PKHD1: variants seen among roughly 807,000 people sequenced by gnomAD.
PKHD1 encodes PKHD1 ciliary IPT domain containing fibrocystin/polyductin, also known as fibrocystin.
PKHD1 carries 291 observed loss-of-function variants against 412.0 expected under a neutral mutation model. The ratio of observed to expected loss-of-function variants is 0.71; its 90% CI spans 0.64 to 0.78. PKHD1 has a LOEUF of 0.78. PKHD1 is among the 30% of genes least tolerant of loss of function. The probability of loss-of-function intolerance (pLI) is 0.00; values close to 1 mark genes in which losing one functional copy is unlikely to be tolerated. For missense variants in PKHD1, 4,825 were observed against 4,950.7 expected, an observed-to-expected ratio of 0.97 and a Z score of 0.76; for synonymous variants, 1,777 against 1,821.5, an observed-to-expected ratio of 0.98 and a Z score of 0.62.
intron 35 of PKHD1, among the ~76,000 whole-genome samples, chr6:51,964,203 C>A (rs181922149): frequency 6.6e-6 from 1 of 152,220 alleles, no homozygotes; most frequent in East Asian, 1.9e-4. Flanking sequence ...ACTTGCAACA[C>A]CACCAGAGTT....
Position 52,022,922 on chromosome 6 carries a change from C to T in PKHD1, c.5259G>A (p.Val1753=), listed in dbSNP as rs200864129. 1.9e-6 allele frequency: 3 copies of T among 1,614,054 alleles called. No homozygotes were observed. Among genetic ancestry groups the T allele is most frequent in the Non-Finnish European group, 2.5e-6 (3 of 1,180,034 alleles). ...ENFGCLGGRL[V]HVFGAGFSPG... The stretch of plus-strand genomic sequence containing the variant: ...GAGAAAATCCCGCTCCAAACACATG[C>T]ACCAGCCTTCCACCCAGGCAGCCTT... Residue 1753 remains valine (V), a synonymous_variant, in exon 33 of 67, where the codon GTG becomes GTA. Coordinates refer to ENST00000371117, the MANE Select transcript of PKHD1 (RefSeq NM_138694.4).
rs551294280 is a variant in PKHD1, at chr6:51,656,886, G to A, written c.11174+2066C>T. On this transcript the variant is annotated intron_variant, in intron 61 of 66. Transcript: ENST00000371117. ...GCCTAGGCTGGTCTCAAACTCCTGC[G>A]CTCAAGCTATCCACCTACCTCCACC... 4.0e-5 allele frequency among the ~76,000 whole-genome samples: 6 copies of A among 151,704 alleles called. No homozygotes were observed. In the East Asian group the frequency reaches 9.8e-4, roughly 25 times the overall value.
At chr6:51,977,081 C>CT (rs1274075936) in intron 35 of PKHD1, among the ~76,000 whole-genome samples, 1 of 152,028 alleles carries the variant, frequency 6.6e-6, no homozygotes, top group African/African-American at 2.4e-5. Context: ...CAGTGCTTCT[C>CT]TGTAAAGCCT....
intron 58 of PKHD1, 121 bp downstream of exon 58, chr6:51,747,666 G>T: frequency 2.4e-6 from 2 of 822,032 alleles, no homozygotes; most frequent in Non-Finnish European, 4.1e-6. Flanking sequence ...TACTCAGCAG[G>T]TTGGACAGCA....
At chr6:51,813,678 C>T (rs530512087) in intron 52 of PKHD1, among the ~76,000 whole-genome samples, 26 of 152,054 alleles carry the variant, frequency 1.7e-4, no homozygotes, top group Admixed American at 6.5e-4. Flanking sequence ...TCCTTATTAA[C>T]GCAATATGAT....
chr6:51,921,529 CT>C (rs1369446862), intron 37 of PKHD1, among the ~76,000 whole-genome samples: 3 of 152,202 alleles, frequency 2.0e-5, no homozygotes, highest in African/African-American at 7.2e-5. Context: ...TGTTTTCCAA[CT>C]TGGTTCCCTT....
Position 51,744,462 on chromosome 6 carries a change from C to T in PKHD1, c.10079G>A (p.Arg3360Lys). The T allele has an allele frequency of 5.6e-6, 9 of 1,613,080 alleles. No individual in the cohort carries two copies. Among genetic ancestry groups the T allele is most frequent in the Non-Finnish European group, 6.8e-6 (8 of 1,179,086 alleles). Residue 3360 changes from arginine to lysine, a missense_variant, in exon 60 of 67, where the codon AGA becomes AAA. Transcript: ENST00000371117. ...AACTGGTGGAGGCAGACCCAGGGCT[C>T]TCCCATCCAGATCCTTGAAGAGATA... ...RKYLFKDLDGRALGLPPPVSV... is the reference protein window; with the variant it reads ...RKYLFKDLDGKALGLPPPVSV...
At chr6:51,992,025 T>C (rs1797099074) in intron 35 of PKHD1, among the ~76,000 whole-genome samples, 1 of 152,218 alleles carries the variant, frequency 6.6e-6, no homozygotes, top group African/African-American at 2.4e-5. Context: ...TATGTCTCAA[T>C]TTGAGTCCCT....
At chr6:51,688,556 T>G (rs1777749162) in intron 60 of PKHD1, among the ~76,000 whole-genome samples, 1 of 151,942 alleles carries the variant, frequency 6.6e-6, no homozygotes, top group Admixed American at 6.6e-5. Context: ...GCTATTCTTT[T>G]TTTAATAAAA....
chr6:51,981,436 A>G (rs1292904399), intron 35 of PKHD1, among the ~76,000 whole-genome samples: 2 of 150,676 alleles, frequency 1.3e-5, no homozygotes, highest in Non-Finnish European at 3.0e-5. Context: ...GGCTCACTGC[A>G]GCCTCCCTGC....
chr6:51,918,698 G>A (rs1784215896), intron 37 of PKHD1, among the ~76,000 whole-genome samples: 1 of 152,128 alleles, frequency 6.6e-6, no homozygotes, highest in African/African-American at 2.4e-5. Flanking sequence ...ATAATCCTTT[G>A]GGTATATACC....
chr6:51,697,044 C>G (rs548855363), intron 60 of PKHD1, among the ~76,000 whole-genome samples: 1 of 152,076 alleles, frequency 6.6e-6, no homozygotes, highest in South Asian at 2.1e-4. Context: ...GAAAAATTAC[C>G]CAGGCATGGT....
intron 52 of PKHD1, among the ~76,000 whole-genome samples, chr6:51,816,303 A>G (rs1211584870): frequency 1.8e-5 from 2 of 114,024 alleles, no homozygotes; most frequent in African/African-American, 6.7e-5. Context: ...GAAGCCCCCT[A>G]CTTACTTAGA....
intron 52 of PKHD1, among the ~76,000 whole-genome samples, chr6:51,820,584 C>T (rs1283521830): frequency 6.6e-6 from 1 of 151,996 alleles, no homozygotes; most frequent in Non-Finnish European, 1.5e-5. Flanking sequence ...TTTTATAATC[C>T]TACTTTATTT....
At chr6:51,679,494 T>G (rs1163609761) in intron 60 of PKHD1, among the ~76,000 whole-genome samples, 1 of 151,906 alleles carries the variant, frequency 6.6e-6, no homozygotes, top group East Asian at 1.9e-4. Context: ...TGAGTGCCCA[T>G]GACTCACAGA....
At chr6:51,915,824 G>T (rs1418897858) in intron 37 of PKHD1, among the ~76,000 whole-genome samples, 1 of 152,048 alleles carries the variant, frequency 6.6e-6, no homozygotes, top group African/African-American at 2.4e-5. Context: ...ATGCCTCATG[G>T]TGACTAAGGC....
intron 50 of PKHD1, among the ~76,000 whole-genome samples, chr6:51,838,084 C>T (rs1435993517): frequency 1.3e-5 from 2 of 152,218 alleles, no homozygotes; most frequent in Admixed American, 6.5e-5. Context: ...AACTCATCCA[C>T]TTCTGTTCAC....
chr6:51,710,916 A>C (rs1186125536), intron 60 of PKHD1, among the ~76,000 whole-genome samples: 2 of 152,164 alleles, frequency 1.3e-5, no homozygotes, highest in Admixed American at 1.3e-4. Context: ...CAACAATACT[A>C]TCATAACCAT....
At chr6:51,903,545 G>T in intron 43 of PKHD1, 52 bp downstream of exon 43, 1 of 1,564,892 alleles carries the variant, frequency 6.4e-7, no homozygotes, top group South Asian at 1.1e-5. Context: ...GATTGAGAAA[G>T]AACTTTATGC....
Sources: gnomAD v4.1 joint callset for allele counts (sites outside exome capture counted in the v4.1 genomes callset) on GRCh38, gnomAD v4.1.1 for gene constraint, MANE v1.5 for transcripts, NCBI Gene and HGNC (gene_info 2026-07-23, HGNC 2026-07-21) for gene names.